MAPKAP1: variants seen among roughly 807,000 people sequenced by gnomAD.
The protein encoded by MAPKAP1 is MAPK associated protein 1.
MAPKAP1 carries 20 observed loss-of-function variants against 65.7 expected under a neutral mutation model. The observed-to-expected ratio is 0.30, with a 90% confidence interval of 0.21 to 0.44. The LOEUF (loss-of-function observed/expected upper bound fraction) is 0.44, where lower values mean the gene tolerates loss of function less well. Ranked by LOEUF, MAPKAP1 falls within the 20% of genes least tolerant of loss-of-function variation. The pLI, the probability that MAPKAP1 is intolerant of heterozygous loss-of-function variation, is 1.00. For synonymous variants in MAPKAP1, 222 were observed against 244.3 expected (o/e 0.91, Z 0.85); for missense variants, 423 against 648.0 (o/e 0.65, Z 3.77).
chr9:125,660,839 T>C (rs1834164654), intron 3 of MAPKAP1, among the ~76,000 whole-genome samples: 1 of 152,220 alleles, frequency 6.6e-6, no homozygotes, highest in African/African-American at 2.4e-5. Context: ...CAACCCTTGT[T>C]TCTTCCTGAC....
chr9:125,640,907 A>C (rs1833559156), intron 4 of MAPKAP1, among the ~76,000 whole-genome samples: 2 of 152,256 alleles, frequency 1.3e-5, no homozygotes, highest in Non-Finnish European at 2.9e-5. Flanking sequence ...AGCAAATAAA[A>C]TGTGTGGAAA....
At chr9:125,523,991 C>T (rs1829693033) in intron 7 of MAPKAP1, among the ~76,000 whole-genome samples, 1 of 152,236 alleles carries the variant, frequency 6.6e-6, no homozygotes, top group African/African-American at 2.4e-5. Flanking sequence ...ATTGTGCCAA[C>T]TGAGGTTTGT....
At chr9:125,616,915 A>G (rs1409451072) in intron 4 of MAPKAP1, among the ~76,000 whole-genome samples, 1 of 152,220 alleles carries the variant, frequency 6.6e-6, no homozygotes, top group Non-Finnish European at 1.5e-5. Flanking sequence ...TAAATAAAAT[A>G]GAATTGATTA....
chr9:125,652,360 T>C (rs1342453951), intron 4 of MAPKAP1: 64 of 737,304 alleles, frequency 8.7e-5, no homozygotes, highest in Non-Finnish European at 1.1e-4. Context: ...GCATTCATAT[T>C]AATTTTCACT....
chr9:125,522,880 C>A (rs1205513191), intron 7 of MAPKAP1, among the ~76,000 whole-genome samples: 1 of 152,156 alleles, frequency 6.6e-6, no homozygotes, highest in Non-Finnish European at 1.5e-5. Context: ...GGTTTCCTAC[C>A]TCCATGTCAC....
intron 7 of MAPKAP1, among the ~76,000 whole-genome samples, chr9:125,519,077 A>T (rs764579876): frequency 1.3e-4 from 20 of 152,156 alleles, no homozygotes; most frequent in Non-Finnish European, 2.2e-4. Flanking sequence ...GCTAGACCAG[A>T]CTAGGGAAGA....
chr9:125,505,378 T>C (rs531455741), intron 8 of MAPKAP1, among the ~76,000 whole-genome samples: 18 of 152,140 alleles, frequency 1.2e-4, no homozygotes, highest in African/African-American at 4.1e-4. Flanking sequence ...TGAGCTGAGA[T>C]TGCACCACTG....
intron 10 of MAPKAP1, among the ~76,000 whole-genome samples, chr9:125,467,117 G>A (rs745726333): frequency 5.3e-5 from 8 of 152,104 alleles, no homozygotes; most frequent in African/African-American, 7.2e-5. Flanking sequence ...GTGGGCCCTC[G>A]GTAACTGCAT....
At chr9:125,512,982 G>A (rs1426583182) in intron 7 of MAPKAP1, 2 of 152,256 alleles carry the variant, frequency 1.3e-5, no homozygotes, top group East Asian at 3.9e-4. Flanking sequence ...ATCAGCACAG[G>A]CGTTTTGACC....
rs568866804 is a variant in MAPKAP1, at chr9:125,648,050, T to C, written c.498+9601A>G. 5.3e-4 allele frequency among the ~76,000 whole-genome samples: 80 copies of C among 152,194 alleles called. No individual in the cohort carries two copies. In the Middle Eastern group the frequency reaches 0.01, roughly 19 times the overall value. ...GCAGTCCGTCAGGTTTCAAGTCCAC[T>C]GCTAAAGGAAAAACTTTTGTTTTTA... is the stretch of plus-strand genomic sequence containing the variant. On this transcript the variant is annotated intron_variant, in intron 4 of 11. Coordinates refer to ENST00000265960, the MANE Select transcript of MAPKAP1 (RefSeq NM_001006617.3).
chr9:125,549,282 T>G (rs917399464), intron 6 of MAPKAP1, among the ~76,000 whole-genome samples: 1 of 152,254 alleles, frequency 6.6e-6, no homozygotes, highest in Non-Finnish European at 1.5e-5. Context: ...TCTCTGGTCC[T>G]GACCAGTTCC....
chr9:125,556,272 C>T (rs779563670), intron 6 of MAPKAP1, among the ~76,000 whole-genome samples: 6 of 152,212 alleles, frequency 3.9e-5, no homozygotes, highest in Non-Finnish European at 8.8e-5. Flanking sequence ...GGCATCCAAG[C>T]GATCTGGCTC....
chr9:125,622,313 T>C (rs1403696390), intron 4 of MAPKAP1, among the ~76,000 whole-genome samples: 1 of 152,212 alleles, frequency 6.6e-6, no homozygotes, highest in East Asian at 1.9e-4. Context: ...GGATTATGAA[T>C]GTTCAGGACA....
chr9:125,649,600 G>A (rs1469507738), intron 4 of MAPKAP1, among the ~76,000 whole-genome samples: 1 of 151,802 alleles, frequency 6.6e-6, no homozygotes, highest in African/African-American at 2.4e-5. Context: ...TGGCTGACAA[G>A]CGAGAACAAA....
intron 9 of MAPKAP1, among the ~76,000 whole-genome samples, chr9:125,481,729 T>C (rs1005707387): frequency 5.3e-5 from 8 of 152,140 alleles, no homozygotes; most frequent in African/African-American, 1.4e-4. Flanking sequence ...GCCTACTTAT[T>C]GGGCTTCTTA....
At position 125,664,724 on chromosome 9, in the gene MAPKAP1, C is replaced by CAA. The variant is rs1199612669; in HGVS notation, c.349+5092_349+5093dup. Among the ~76,000 whole-genome samples the CAA allele has an allele frequency of 1.3e-3, 78 of 59,928 alleles. 5 individuals are homozygous for CAA. In the East Asian group the frequency reaches 0.044, roughly 34 times the overall value. The allele number at this position is 59,928 out of a possible 152,430, so 39.3% of individuals were successfully genotyped here. ...TGGGCAACAGAGCAAGACTCACTCT[C>CAA]AAAAAAAAAAAAAAAAGGAAAAGAA... On this transcript the variant is annotated intron_variant, in intron 3 of 11. Coordinates refer to ENST00000265960, the MANE Select transcript of MAPKAP1 (RefSeq NM_001006617.3).
chr9:125,542,032 A>G (rs1732743731), intron 7 of MAPKAP1, among the ~76,000 whole-genome samples: 1 of 152,120 alleles, frequency 6.6e-6, no homozygotes, highest in South Asian at 2.1e-4. Context: ...AGCAGGTCTC[A>G]TCTACAACCG....
intron 6 of MAPKAP1, among the ~76,000 whole-genome samples, chr9:125,546,384 C>T (rs1387969660): frequency 1.3e-5 from 2 of 152,190 alleles, no homozygotes; most frequent in African/African-American, 2.4e-5. Flanking sequence ...ACGTCTACAG[C>T]GCTTTGGGGG....
chr9:125,559,299 A>T (rs543440538), intron 6 of MAPKAP1: 22 of 175,174 alleles, frequency 1.3e-4, no homozygotes, highest in Non-Finnish European at 2.5e-4. Context: ...ATTTTCAGTT[A>T]GTGTGTATTC....
Sources: gnomAD v4.1 joint callset for allele counts (sites outside exome capture counted in the v4.1 genomes callset) on GRCh38, gnomAD v4.1.1 for gene constraint, MANE v1.5 for transcripts, NCBI Gene and HGNC (gene_info 2026-07-23, HGNC 2026-07-21) for gene names.